QKI: variants seen among roughly 807,000 people sequenced by gnomAD.
QKI encodes KH domain-containing RNA-binding protein QKI.
Under a neutral mutation model 39.0 loss-of-function variants are expected in QKI, and 10 were observed. That is an observed-to-expected ratio of 0.26 (90% CI 0.16 to 0.43). The LOEUF is 0.43. Ranked by LOEUF, QKI falls within the 20% of genes least tolerant of loss-of-function variation. The probability of loss-of-function intolerance (pLI) is 1.00; values close to 1 mark genes in which losing one functional copy is unlikely to be tolerated. For synonymous variants in QKI, 204 were observed against 155.4 expected, an observed-to-expected ratio of 1.31 and a Z score of -2.33; for missense variants, 218 against 428.0, an observed-to-expected ratio of 0.51 and a Z score of 4.33.
intron 3 of QKI, among the ~76,000 whole-genome samples, chr6:163,500,492 AT>A (rs1228315995): frequency 6.6e-6 from 1 of 152,136 alleles, no homozygotes; most frequent in Non-Finnish European, 1.5e-5. Context: ...TAATGTTTAT[AT>A]TTATTGTTTG....
intron 1 of QKI, among the ~76,000 whole-genome samples, chr6:163,451,939 C>T (rs1388372198): frequency 1.3e-5 from 2 of 152,082 alleles, no homozygotes; most frequent in Admixed American, 6.5e-5. Flanking sequence ...GGATAACATT[C>T]CCAGAAGCTC....
At chr6:163,483,492 A>T (rs1019391769) in intron 3 of QKI, among the ~76,000 whole-genome samples, 16 of 151,928 alleles carry the variant, frequency 1.1e-4, no homozygotes, top group Admixed American at 2.0e-4. Flanking sequence ...AATATTATAA[A>T]TTTTTTTTTG....
intron 5 of QKI, among the ~76,000 whole-genome samples, 167 bp from the exon 6 acceptor site, chr6:163,563,253 T>C (rs192587673): frequency 1.4e-3 from 211 of 152,348 alleles, no homozygotes; most frequent in African/African-American, 5.0e-3. Flanking sequence ...TGTTTGCATT[T>C]GATTGGTGTG....
intron 1 of QKI, chr6:163,415,881 C>T (rs369969568): frequency 5.9e-6 from 3 of 510,640 alleles, no homozygotes; most frequent in Middle Eastern, 3.2e-4. Context: ...TGCAGCTGTT[C>T]AATACTAAGT....
chr6:163,503,354 G>C (rs536180621), intron 3 of QKI, among the ~76,000 whole-genome samples: 12 of 152,078 alleles, frequency 7.9e-5, no homozygotes, highest in African/African-American at 2.9e-4. Context: ...AGCTCTCCCA[G>C]CACCATTGAT....
chr6:163,556,068 C>T (rs2128248111), intron 4 of QKI, among the ~76,000 whole-genome samples: 1 of 152,254 alleles, frequency 6.6e-6, no homozygotes, highest in East Asian at 1.9e-4. Context: ...GCCTGAGCCT[C>T]AGGGATAATG....
At chr6:163,423,298 A>G (rs977914692) in intron 1 of QKI, 1 of 152,248 alleles carries the variant, frequency 6.6e-6, no homozygotes, top group Non-Finnish European at 1.5e-5. Flanking sequence ...AAAAACAAAT[A>G]AAATTTGGAA....
chr6:163,568,591 A>T (rs1285082180), intron 7 of QKI: 64 of 977,610 alleles, frequency 6.5e-5, no homozygotes, highest in Non-Finnish European at 7.5e-5. Context: ...CACTTAAATT[A>T]TTTTATGATA....
chr6:163,426,402 C>A (rs1351409945), intron 1 of QKI, among the ~76,000 whole-genome samples: 2 of 152,162 alleles, frequency 1.3e-5, no homozygotes, highest in African/African-American at 4.8e-5. Context: ...ACTTTGTTAT[C>A]TTACATCAGG....
chr6:163,487,318 G>A (rs1407568959), intron 3 of QKI, among the ~76,000 whole-genome samples: 1 of 151,992 alleles, frequency 6.6e-6, no homozygotes, highest in African/African-American at 2.4e-5. Flanking sequence ...ATTCCCCATT[G>A]CCTCACTTCA....
At chr6:163,539,150 G>C (rs1781368551) in intron 4 of QKI, among the ~76,000 whole-genome samples, 1 of 152,156 alleles carries the variant, frequency 6.6e-6, no homozygotes, top group African/African-American at 2.4e-5. Context: ...AACAGGAAGA[G>C]AGGGAGGATC....
At chr6:163,546,820 C>A (rs879721502) in intron 4 of QKI, among the ~76,000 whole-genome samples, 38 of 151,888 alleles carry the variant, frequency 2.5e-4, no homozygotes, top group Non-Finnish European at 3.8e-4. Context: ...ATTAAATTAT[C>A]CTGCTTATTC....
rs1787325470 is a variant in QKI, at chr6:163,415,141, C to T, written c.-53C>T. On this transcript the variant is annotated 5_prime_UTR_variant, in exon 1 of 8. Coordinates refer to ENST00000361752, the MANE Select transcript of QKI (RefSeq NM_006775.3). ...GGGCTCGCCCCCGCCCCTCCCTCCT[C>T]TCCGGCGGCGGCGGCGGCGGCGGCG... 6 of 1,364,532 alleles carry T rather than the reference C, an allele frequency of 4.4e-6. No individual in the cohort carries two copies. The highest frequency in any genetic ancestry group is 4.8e-6 in the Non-Finnish European group (5 of 1,035,264). 84.5% of individuals were successfully genotyped at this position (1,364,532 alleles called of 1,614,324 possible).
At chr6:163,553,000 A>G (rs750184158) in intron 4 of QKI, among the ~76,000 whole-genome samples, 1 of 147,922 alleles carries the variant, frequency 6.8e-6, no homozygotes, top group Non-Finnish European at 1.5e-5. Flanking sequence ...TCTCTGTCCC[A>G]CCTCTCAAAA....
chr6:163,560,255 T>A (rs1000690143), intron 4 of QKI, among the ~76,000 whole-genome samples: 5 of 152,182 alleles, frequency 3.3e-5, no homozygotes, highest in African/African-American at 9.7e-5. Flanking sequence ...GCAATTAACT[T>A]TGTCGATAGG....
rs1442921719 is a variant in QKI, at chr6:163,570,764, T to C, written c.*54T>C. 1 of 1,604,972 alleles carries C rather than the reference T, an allele frequency of 6.2e-7. No individual in the cohort carries two copies. Among genetic ancestry groups the C allele is most frequent in the African/African-American group, 1.3e-5 (1 of 74,506 alleles). ...CACCCAATGATGACCTGACCATGCC[T>C]GCCTGCTGATCAGTTAACTGGTAAT... On this transcript the variant is annotated 3_prime_UTR_variant, in exon 8 of 8. Coordinates refer to ENST00000361752, the MANE Select transcript of QKI (RefSeq NM_006775.3).
chr6:163,515,402 T>C (rs1314070972), intron 3 of QKI, among the ~76,000 whole-genome samples: 1 of 152,082 alleles, frequency 6.6e-6, no homozygotes, highest in African/African-American at 2.4e-5. Context: ...CACATGTGTT[T>C]TGGAAGATGG....
At chr6:163,440,418 A>T (rs1424613213) in intron 1 of QKI, among the ~76,000 whole-genome samples, 1 of 152,226 alleles carries the variant, frequency 6.6e-6, no homozygotes, top group Admixed American at 6.5e-5. Flanking sequence ...CTACCTGATA[A>T]TAATGGAATA....
In QKI at chr6:163,546,511, A is replaced by C. The variant is rs571559898; in HGVS notation, c.546+11386A>C. 3.3e-5 allele frequency among the ~76,000 whole-genome samples: 5 copies of C among 152,036 alleles called. No individual in the cohort carries two copies. The East Asian group carries it at 9.6e-4, about 29-fold the overall frequency. On this transcript the variant is annotated intron_variant, in intron 4 of 7. Transcript: ENST00000361752. ...TTAAGTAAAATTATTAGGAGTAACCATTGTGACATTTTAATAGTATATTAA... is the reference window on the plus strand; with the variant it reads ...TTAAGTAAAATTATTAGGAGTAACCCTTGTGACATTTTAATAGTATATTAA...
Sources: allele counts gnomAD v4.1 joint callset (sites outside exome capture counted in the v4.1 genomes callset), GRCh38; gene constraint gnomAD v4.1.1; transcripts MANE v1.5; gene names NCBI Gene and HGNC (gene_info 2026-07-23, HGNC 2026-07-21).